CACNA2D3: variants seen among roughly 807,000 people sequenced by gnomAD.
The protein encoded by CACNA2D3 is calcium voltage-gated channel auxiliary subunit alpha2delta 3.
Under a neutral mutation model 160.6 loss-of-function variants are expected in CACNA2D3, and 60 were observed. That is an observed-to-expected ratio of 0.37 (90% CI 0.30 to 0.46). The LOEUF (loss-of-function observed/expected upper bound fraction) is 0.46, where lower values mean the gene tolerates loss of function less well. CACNA2D3 is among the 20% of genes least tolerant of loss of function. The pLI is 1.00. For missense variants in CACNA2D3, 1,205 were observed against 1,365.0 expected (o/e 0.88, Z 1.85); for synonymous variants, 558 against 492.9 (o/e 1.13, Z -1.75).
chr3:54,806,866 A>G (rs1172074174), intron 13 of CACNA2D3, among the ~76,000 whole-genome samples: 3 of 152,228 alleles, frequency 2.0e-5, no homozygotes, highest in Non-Finnish European at 2.9e-5. Context: ...ATATAGATCA[A>G]TGGAACAGAA....
At chr3:54,537,983 C>G (rs766432042) in intron 5 of CACNA2D3, among the ~76,000 whole-genome samples, 4 of 152,160 alleles carry the variant, frequency 2.6e-5, no homozygotes, top group Admixed American at 6.5e-5. Context: ...GGGACCCTGG[C>G]TGTGTGCTCT....
intron 5 of CACNA2D3, among the ~76,000 whole-genome samples, chr3:54,552,797 A>G (rs1303791582): frequency 6.6e-6 from 1 of 152,210 alleles, no homozygotes; most frequent in African/African-American, 2.4e-5. Flanking sequence ...GAGGAAGAGG[A>G]AATGCAAGTC....
intron 5 of CACNA2D3, among the ~76,000 whole-genome samples, chr3:54,521,825 C>T (rs1000829771): frequency 6.6e-6 from 1 of 152,168 alleles, no homozygotes; most frequent in Non-Finnish European, 1.5e-5. Context: ...TGTTCTTTCC[C>T]CCATTGAAGC....
At chr3:54,872,030 G>A (rs1482684374) in intron 18 of CACNA2D3, among the ~76,000 whole-genome samples, 1 of 152,210 alleles carries the variant, frequency 6.6e-6, no homozygotes, top group Non-Finnish European at 1.5e-5. Context: ...TGGGCAGCAA[G>A]AATTCACCTG....
intron 8 of CACNA2D3, among the ~76,000 whole-genome samples, chr3:54,572,156 C>T (rs1401578285): frequency 6.6e-6 from 1 of 152,088 alleles, no homozygotes; most frequent in Non-Finnish European, 1.5e-5. Flanking sequence ...AGGGGATTGC[C>T]TGAATTAGTA....
At chr3:54,187,477 C>T (rs372027142) in intron 2 of CACNA2D3, among the ~76,000 whole-genome samples, 1 of 152,244 alleles carries the variant, frequency 6.6e-6, no homozygotes, top group East Asian at 1.9e-4. Flanking sequence ...CACACAAACC[C>T]AGAACTGCAG....
rs1575364552 is a variant in CACNA2D3 at position 54,280,752 on chromosome 3, C to A, written c.205-39690C>A. ...GCCTTTGAGCCTTTGCTTTGCTGTT[C>A]CCTCTGCATCATTCATTCCCTCTCG... is the stretch of plus-strand genomic sequence containing the variant. On this transcript the variant is annotated intron_variant, in intron 2 of 37. Coordinates refer to ENST00000474759, the MANE Select transcript of CACNA2D3 (RefSeq NM_018398.3). Among the ~76,000 whole-genome samples the A allele has an allele frequency of 2.6e-5, 4 of 152,244 alleles. 1 individual carries two copies. Among genetic ancestry groups the A allele is most frequent in the Admixed American group, 6.5e-5 (1 of 15,294 alleles).
intron 1 of CACNA2D3, among the ~76,000 whole-genome samples, chr3:54,123,042 T>G (rs1322295247): frequency 1.3e-5 from 2 of 152,052 alleles, no homozygotes; most frequent in Non-Finnish European, 2.9e-5. Flanking sequence ...CCGAGTGAGA[T>G]CTGGAGAGGC....
rs540222241 is a variant in CACNA2D3, at chr3:54,593,523, C to T, written c.963+11646C>T. Among the ~76,000 whole-genome samples the T allele has an allele frequency of 3.9e-5, 6 of 152,062 alleles. No individual in the cohort carries two copies. The East Asian group carries it at 9.6e-4, about 24-fold the overall frequency. On this transcript the variant is annotated intron_variant, in intron 9 of 37. Coordinates refer to ENST00000474759, the MANE Select transcript of CACNA2D3 (RefSeq NM_018398.3). Reference sequence around the variant, plus strand: ...ACCTGATATATTTCTCCACTGTTAGCGTGTCTTTACAATGAACCCCAAATC... The same window carrying T: ...ACCTGATATATTTCTCCACTGTTAGTGTGTCTTTACAATGAACCCCAAATC...
intron 11 of CACNA2D3, among the ~76,000 whole-genome samples, chr3:54,663,426 A>G (rs1325108066): frequency 1.3e-5 from 2 of 152,156 alleles, no homozygotes; most frequent in African/African-American, 4.8e-5. Context: ...TCAGTTATGT[A>G]TGTGATGACT....
At chr3:54,367,021 G>A (rs1273944039) in intron 3 of CACNA2D3, among the ~76,000 whole-genome samples, 1 of 152,170 alleles carries the variant, frequency 6.6e-6, no homozygotes, top group East Asian at 1.9e-4. Flanking sequence ...GGGAATCCAG[G>A]CACCTGCCAG....
chr3:54,474,081 A>G (rs1046517898), intron 4 of CACNA2D3, among the ~76,000 whole-genome samples: 7 of 152,222 alleles, frequency 4.6e-5, no homozygotes, highest in African/African-American at 9.6e-5. Flanking sequence ...TCATTCTACT[A>G]TACAGACATA....
intron 2 of CACNA2D3, among the ~76,000 whole-genome samples, chr3:54,244,772 A>T (rs1000821244): frequency 1.3e-5 from 2 of 152,262 alleles, no homozygotes; most frequent in African/African-American, 4.8e-5. Context: ...ATTGTAAGTA[A>T]TAATATATTT....
Position 54,249,662 on chromosome 3 carries a change from TACACACACAC to T in CACNA2D3, c.205-70753_205-70744del, listed in dbSNP as rs10656572. Among the ~76,000 whole-genome samples, 92 of 132,920 alleles carry T rather than the reference TACACACACAC, an allele frequency of 6.9e-4. 1 individual carries two copies. The highest frequency in any genetic ancestry group is 2.2e-3 in the African/African-American group (79 of 35,564). The allele number at this position is 132,920 out of a possible 152,430, so 87.2% of individuals were successfully genotyped here. A position where few individuals can be genotyped will look rare whatever the true frequency, so the allele number is the denominator to read the frequency against. ...CTTAGAACAAATCTCTCTGTTTACG[TACACACACAC>T]ACACACACACACACACACACACACA... On this transcript the variant is annotated intron_variant, in intron 2 of 37. Coordinates refer to ENST00000474759, the MANE Select transcript of CACNA2D3 (RefSeq NM_018398.3).
intron 5 of CACNA2D3, among the ~76,000 whole-genome samples, chr3:54,534,613 C>G (rs1169838040): frequency 6.6e-6 from 1 of 150,742 alleles, no homozygotes; most frequent in Non-Finnish European, 1.5e-5. Flanking sequence ...TGACCAACTT[C>G]TTAAAAAAAA....
At chr3:54,842,932 A>C (rs1698852007) in intron 16 of CACNA2D3, among the ~76,000 whole-genome samples, 1 of 151,470 alleles carries the variant, frequency 6.6e-6, no homozygotes. Flanking sequence ...AAATCAGAGG[A>C]AGGAAAGAGA....
chr3:54,428,363 A>G (rs947574590), intron 4 of CACNA2D3, among the ~76,000 whole-genome samples: 3 of 152,228 alleles, frequency 2.0e-5, no homozygotes, highest in South Asian at 2.1e-4. Context: ...AAGGTCACCT[A>G]TTTTTTTCTG....
chr3:54,291,834 A>G (rs1703213753), intron 2 of CACNA2D3, among the ~76,000 whole-genome samples: 1 of 152,210 alleles, frequency 6.6e-6, no homozygotes, highest in Non-Finnish European at 1.5e-5. Context: ...TCACTCATTC[A>G]TTCAACTATT....
intron 2 of CACNA2D3, among the ~76,000 whole-genome samples, chr3:54,213,710 G>A (rs914531574): frequency 1.3e-5 from 2 of 152,188 alleles, no homozygotes; most frequent in Non-Finnish European, 2.9e-5. Context: ...AGCATATTGT[G>A]CAGTTGTCAG....
Sources: allele counts gnomAD v4.1 joint callset (sites outside exome capture counted in the v4.1 genomes callset), GRCh38; gene constraint gnomAD v4.1.1; transcripts MANE v1.5; gene names NCBI Gene and HGNC (gene_info 2026-07-23, HGNC 2026-07-21).